PTPRM: variants seen among roughly 807,000 people sequenced by gnomAD.
PTPRM encodes receptor-type tyrosine-protein phosphatase mu.
In PTPRM, 47 loss-of-function variants were observed where a neutral mutation model predicts 186.7. That is an observed-to-expected ratio of 0.25 (90% CI 0.20 to 0.32). The LOEUF is 0.32. Among genes scored for constraint, PTPRM ranks in the 10% least tolerant of loss-of-function variants. PTPRM has a pLI of 1.00. For missense variants in PTPRM, 1,494 were observed against 1,865.0 expected, an observed-to-expected ratio of 0.80 and a Z score of 3.66; for synonymous variants, 668 against 674.9, an observed-to-expected ratio of 0.99 and a Z score of 0.16.
At chr18:7,673,334 T>G (rs2039261732) in intron 1 of PTPRM, among the ~76,000 whole-genome samples, 1 of 152,230 alleles carries the variant, frequency 6.6e-6, no homozygotes, top group African/African-American at 2.4e-5. Context: ...ATTCAGAATC[T>G]TAGTATTTTG....
intron 2 of PTPRM, among the ~76,000 whole-genome samples, chr18:7,858,977 C>G (rs1344793641): frequency 6.6e-6 from 1 of 152,132 alleles, no homozygotes; most frequent in African/African-American, 2.4e-5. Flanking sequence ...ATAGTGCATC[C>G]TTGAATTTTA....
At chr18:8,378,902 A>G (rs571927029) in intron 27 of PTPRM, among the ~76,000 whole-genome samples, 2 of 152,178 alleles carry the variant, frequency 1.3e-5, no homozygotes, top group East Asian at 1.9e-4. Flanking sequence ...GCCTCACTCC[A>G]CTGGGACTTG....
intron 11 of PTPRM, among the ~76,000 whole-genome samples, chr18:8,092,098 CA>C (rs932702820): frequency 3.3e-5 from 5 of 151,824 alleles, no homozygotes; most frequent in Admixed American, 1.3e-4. Flanking sequence ...GTTGAAAATT[CA>C]GTCGAATTTC....
chr18:8,032,624 G>A (rs995801500), intron 7 of PTPRM, among the ~76,000 whole-genome samples: 2 of 152,016 alleles, frequency 1.3e-5, no homozygotes, highest in Non-Finnish European at 2.9e-5. Context: ...AAGTTTATTT[G>A]GAGAATTATG....
chr18:7,648,580 C>T (rs1256360016), intron 1 of PTPRM, among the ~76,000 whole-genome samples: 3 of 152,162 alleles, frequency 2.0e-5, no homozygotes, highest in Admixed American at 2.0e-4. Context: ...AGTGAAACAG[C>T]TTTATTGCTG....
intron 7 of PTPRM, among the ~76,000 whole-genome samples, chr18:8,003,316 C>A (rs539880150): frequency 6.6e-6 from 1 of 152,300 alleles, no homozygotes; most frequent in South Asian, 2.1e-4. Context: ...CTTTGCTTCC[C>A]ACCATGATTG....
At chr18:8,001,739 C>A (rs1481885093) in intron 7 of PTPRM, among the ~76,000 whole-genome samples, 1 of 152,144 alleles carries the variant, frequency 6.6e-6, no homozygotes, top group African/African-American at 2.4e-5. Flanking sequence ...GATAGTTTTT[C>A]TTTGCTGAGC....
intron 1 of PTPRM, among the ~76,000 whole-genome samples, chr18:7,635,173 A>G (rs1450997665): frequency 6.6e-6 from 1 of 152,170 alleles, no homozygotes; most frequent in African/African-American, 2.4e-5. Context: ...TGTATTTCAT[A>G]TATGTTGGAG....
chr18:7,955,139 C>T lies in PTPRM; in HGVS notation c.857C>T (p.Ala286Val). 1 of 1,607,332 alleles carries T rather than the reference C, an allele frequency of 6.2e-7. No individual in the cohort carries two copies. The highest frequency in any genetic ancestry group is 8.5e-7 in the Non-Finnish European group (1 of 1,174,472). ...LVVKEPPVPI[A>V]PPQLASVGAT... ...CTTTCAGAACCACCCGTTCCTATTG[C>T]CCCACCTCAGCTCGCCTCTGTAGGA... Residue 286 changes from alanine to valine, a missense_variant, in exon 7 of 33, where the codon GCC becomes GTC. Ala to Val is a moderately conservative substitution (Grantham distance 64). Transcript: ENST00000580170.
chr18:8,321,975 C>G (rs1482771168), intron 22 of PTPRM, among the ~76,000 whole-genome samples: 1 of 152,082 alleles, frequency 6.6e-6, no homozygotes, highest in African/African-American at 2.4e-5. Context: ...TCGTAGATCA[C>G]CTTTGTTGAA....
chr18:8,162,476 A>G (rs962843240), intron 14 of PTPRM, among the ~76,000 whole-genome samples: 6 of 152,196 alleles, frequency 3.9e-5, no homozygotes, highest in South Asian at 4.1e-4. Context: ...AGTGTAGGAA[A>G]GAGGAATGGG....
intron 22 of PTPRM, among the ~76,000 whole-genome samples, chr18:8,339,959 G>C (rs1014068389): frequency 1.3e-5 from 2 of 151,938 alleles, no homozygotes; most frequent in Non-Finnish European, 2.9e-5. Flanking sequence ...CCTTATTTGG[G>C]CACCTTCCCT....
chr18:7,757,003 G>A (rs569717434), intron 1 of PTPRM, among the ~76,000 whole-genome samples: 111 of 152,208 alleles, frequency 7.3e-4, no homozygotes, highest in African/African-American at 2.5e-3. Context: ...TATTCTTTGC[G>A]CTGCAGCAAA....
chr18:8,318,908 A>G (rs2095327978), intron 21 of PTPRM, among the ~76,000 whole-genome samples: 1 of 152,250 alleles, frequency 6.6e-6, no homozygotes. Context: ...CAGAGAATCC[A>G]TAAGTTGTTA....
chr18:7,773,207 T>C (rs2042411746), intron 1 of PTPRM, among the ~76,000 whole-genome samples: 1 of 152,152 alleles, frequency 6.6e-6, no homozygotes, highest in Admixed American at 6.5e-5. Flanking sequence ...TTAAAACTTG[T>C]GTGGACTGTA....
chr18:7,588,583 A>T (rs896539879), intron 1 of PTPRM, among the ~76,000 whole-genome samples: 1 of 152,178 alleles, frequency 6.6e-6, no homozygotes, highest in Non-Finnish European at 1.5e-5. Flanking sequence ...GAATCTTCAC[A>T]CTTTTGGTTG....
At chr18:7,985,115 GTATATACACATATAAA>G (rs1214042439) in intron 7 of PTPRM, among the ~76,000 whole-genome samples, 10 of 94,826 alleles carry the variant, frequency 1.1e-4, no homozygotes, top group African/African-American at 3.7e-4. Flanking sequence ...ACATATAATT[GTATATACACATATAAA>G]TATATACATA....
rs373546186 is a variant in PTPRM at position 8,371,038 on chromosome 18, G to T, written c.3171+32G>T. The T allele has an allele frequency of 3.0e-6, 4 of 1,348,430 alleles. No homozygotes were observed. The Admixed American group carries it at 7.0e-5, about 24-fold the overall frequency. The allele number at this position is 1,348,430 out of a possible 1,614,324, so 83.5% of individuals were successfully genotyped here. On this transcript the variant is annotated intron_variant, in intron 24 of 32. Coordinates refer to ENST00000580170, the MANE Select transcript of PTPRM (RefSeq NM_001105244.2). ...TTTCATACTGCTTTTAAAAGCTATG[G>T]TCAGACACTAGTGGTACCATACTAG...
chr18:8,404,454 T>A (rs911280328), intron 32 of PTPRM: 9 of 152,220 alleles, frequency 5.9e-5, no homozygotes, highest in Admixed American at 5.9e-4. Context: ...CGACTTTGAC[T>A]CTCAACTGTG....
Sources: allele counts gnomAD v4.1 joint callset (sites outside exome capture counted in the v4.1 genomes callset), GRCh38; gene constraint gnomAD v4.1.1; transcripts MANE v1.5; gene names NCBI Gene and HGNC (gene_info 2026-07-23, HGNC 2026-07-21).